The following CLPTM1 variants were observed in gnomAD, a reference collection of about 807,000 sequenced individuals.
CLPTM1 encodes CLPTM1 regulator of GABA type A receptor forward trafficking, also known as putative lipid scramblase CLPTM1.
A neutral mutation model predicts 77.3 loss-of-function variants in CLPTM1; 21 were observed. That is an observed-to-expected ratio of 0.27 (90% CI 0.19 to 0.39). The LOEUF (loss-of-function observed/expected upper bound fraction) is 0.39, where lower values mean the gene tolerates loss of function less well. CLPTM1 is among the 10% of genes least tolerant of loss of function. The pLI is 1.00. For missense variants in CLPTM1, 642 were observed against 921.2 expected (o/e 0.70, Z 3.92); for synonymous variants, 373 against 381.0 (o/e 0.98, Z 0.24).
At chr19:44,954,955 G>C (rs117316645), upstream of CLPTM1, 14 of 1,531,656 alleles carry the variant, frequency 9.1e-6, no homozygotes, top group African/African-American at 8.2e-5. Flanking sequence ...AGGTTCCTCT[G>C]ACGAAAGAGG....
chr19:44,973,762 T>TG (rs1970759627), intron 3 of CLPTM1, among the ~76,000 whole-genome samples: 1 of 19,024 alleles, frequency 5.3e-5, no homozygotes, highest in Non-Finnish European at 1.4e-4. Context: ...TCACAGTGGG[T>TG]TTTTTTTTTT....
At chr19:44,975,265 C>G in intron 4 of CLPTM1, among the ~76,000 whole-genome samples, 1 of 152,236 alleles carries the variant, frequency 6.6e-6, no homozygotes, top group South Asian at 2.1e-4. Flanking sequence ...ATTCTGGGGC[C>G]TCATTGGGAC....
At chr19:44,969,641 G>A (rs894720974) in intron 2 of CLPTM1, among the ~76,000 whole-genome samples, 1 of 151,586 alleles carries the variant, frequency 6.6e-6, no homozygotes, top group Non-Finnish European at 1.5e-5. Flanking sequence ...CAGGCAACAG[G>A]AGAGAAGAAT....
At chr19:44,979,931 C>A (rs1179368902) in intron 5 of CLPTM1, among the ~76,000 whole-genome samples, 1 of 152,162 alleles carries the variant, frequency 6.6e-6, no homozygotes, top group Non-Finnish European at 1.5e-5. Flanking sequence ...TTCTTGTACC[C>A]CGTTTGACGA....
In CLPTM1 at chr19:44,987,418, G is replaced by T; in HGVS notation, c.1033G>T (p.Val345Leu). Reference protein sequence around the residue: ...YEQSDEEQDSVKVALLETNPY... With the variant: ...YEQSDEEQDSLKVALLETNPY... Reference sequence around the variant, plus strand: ...GCAGTCAGATGAGGAGCAGGACTCGGTGAAGGTGAGTGCGGCCGGTGTGGG... The same window carrying T: ...GCAGTCAGATGAGGAGCAGGACTCGTTGAAGGTGAGTGCGGCCGGTGTGGG... The change falls in exon 8 of 14, where the codon GTG becomes TTG. Residue 345 changes from valine to leucine, a missense_variant. Transcript: ENST00000337392. The T allele has an allele frequency of 6.2e-7, 1 of 1,613,484 alleles. No homozygotes were observed. Among genetic ancestry groups the T allele is most frequent in the Non-Finnish European group, 8.5e-7 (1 of 1,179,806 alleles).
At chr19:44,969,879 G>A (rs1415160996) in intron 2 of CLPTM1, among the ~76,000 whole-genome samples, 2 of 149,698 alleles carry the variant, frequency 1.3e-5, no homozygotes, top group Non-Finnish European at 2.9e-5. Context: ...GTAGAGATGG[G>A]GTTTCACCAT....
At chr19:44,966,056 T>A (rs1970623259) in intron 2 of CLPTM1, among the ~76,000 whole-genome samples, 1 of 152,190 alleles carries the variant, frequency 6.6e-6, no homozygotes, top group Non-Finnish European at 1.5e-5. Context: ...ATTATGAGTG[T>A]TTATTTTACA....
chr19:44,987,195 C>A lies in CLPTM1; in HGVS notation c.810C>A (p.Ala270=). ...PPLDQYVKFD[A]VSGDYYPIIY... is the part of the protein sequence containing the mutation. The stretch of plus-strand genomic sequence containing the variant: ...GTGCTGCAGATGTGAAGTTCGACGC[C>A]GTGAGCGGTGACTACTATCCCATCA... Residue 270 remains alanine (A), a synonymous_variant, in exon 8 of 14, where the codon GCC becomes GCA. Transcript: ENST00000337392. 1 of 1,611,272 alleles carries A rather than the reference C, an allele frequency of 6.2e-7. No individual in the cohort carries two copies. Among genetic ancestry groups the A allele is most frequent in the Non-Finnish European group, 8.5e-7 (1 of 1,177,628 alleles).
At chr19:44,981,645 G>A (rs1004269248) in intron 5 of CLPTM1, among the ~76,000 whole-genome samples, 31 of 151,528 alleles carry the variant, frequency 2.0e-4, no homozygotes, top group Middle Eastern at 3.4e-3. Context: ...GGCCGTGATG[G>A]CTCACACCTG....
In CLPTM1 at chr19:44,973,098, T is replaced by C; in HGVS notation, c.197T>C (p.Ile66Thr). The C allele has an allele frequency of 6.2e-7, 1 of 1,613,868 alleles. No homozygotes were observed. Among genetic ancestry groups the C allele is most frequent in the Non-Finnish European group, 8.5e-7 (1 of 1,179,824 alleles). Residue 66 changes from isoleucine (I) to threonine (T), a missense_variant, in exon 3 of 14, where the codon ATC becomes ACC. Ile to Thr is a moderately conservative substitution (Grantham distance 89). Coordinates refer to ENST00000337392, the MANE Select transcript of CLPTM1 (RefSeq NM_001294.4). ...GCTTCTCTCCTCAGGATCTTCATCA[T>C]CTGGGCCATCAGCAGTTGGTTCCGC... ...IKGVLFRIFI[I>T]WAISSWFRRG...
At chr19:44,979,120 C>G (rs1315385644) in intron 5 of CLPTM1, among the ~76,000 whole-genome samples, 1 of 151,922 alleles carries the variant, frequency 6.6e-6, no homozygotes, top group African/African-American at 2.4e-5. Context: ...GCTGGGACTA[C>G]AGGCACACGC....
intron 2 of CLPTM1, among the ~76,000 whole-genome samples, chr19:44,971,478 T>G (rs563137586): frequency 6.8e-4 from 103 of 152,290 alleles, no homozygotes; most frequent in Non-Finnish European, 1.1e-3. Context: ...CTCCAAAAAT[T>G]CTCCAAAAGT....
chr19:44,966,199 T>C (rs979200473), intron 2 of CLPTM1, among the ~76,000 whole-genome samples: 2 of 151,904 alleles, frequency 1.3e-5, no homozygotes, highest in Admixed American at 1.3e-4. Context: ...ATCACGAGGT[T>C]AGGAGATCGA....
At chr19:44,962,142 G>T in intron 2 of CLPTM1, 67 bp downstream of exon 2, 1 of 1,011,786 alleles carries the variant, frequency 9.9e-7, no homozygotes, top group South Asian at 1.6e-5. Flanking sequence ...GAAAGGAAAA[G>T]TCAGCTGATC....
chr19:44,990,598 C>T lies in CLPTM1; in HGVS notation c.1323+13C>T, dbSNP rs758457977. On this transcript the variant is annotated intron_variant, in intron 10 of 13. Coordinates refer to ENST00000337392, the MANE Select transcript of CLPTM1 (RefSeq NM_001294.4). This position sits in a 1 kb window ranked among gnomAD's most constrained non-coding sequence, Gnocchi z 4.8. ...CATGGACGTCCGGGTAAGGCTGGGG[C>T]GCCATGCTGTCTCGGGAGCTGCAGG... is the stretch of plus-strand genomic sequence containing the variant. 10 of 1,611,052 alleles carry T rather than the reference C, an allele frequency of 6.2e-6. No individual in the cohort carries two copies. Among genetic ancestry groups the T allele is most frequent in the Admixed American group, 3.3e-5 (2 of 59,924 alleles).
Position 44,992,888 on chromosome 19 carries a change from A to G in CLPTM1, c.2001A>G (p.Lys667=), listed in dbSNP as rs1971103183. The G allele has an allele frequency of 6.2e-7, 1 of 1,613,532 alleles. No individual in the cohort carries two copies. Among genetic ancestry groups the G allele is most frequent in the Non-Finnish European group, 8.5e-7 (1 of 1,179,864 alleles). ...CTCCAAAGCCAGCAGAGGACAAGAA[A>G]AAGGATTAGTCGAGACTGGTCCTCA... ...EAPPKPAEDK[K]KD Residue 667 remains lysine, a synonymous_variant, in exon 14 of 14, where the codon AAA becomes AAG. Transcript: ENST00000337392. The surrounding 1 kb of genome is among the most constrained non-coding windows in gnomAD (Gnocchi z 7.7).
At chr19:44,964,046 G>A (rs576692203) in intron 2 of CLPTM1, among the ~76,000 whole-genome samples, 3 of 151,906 alleles carry the variant, frequency 2.0e-5, no homozygotes, top group Admixed American at 6.6e-5. Flanking sequence ...GATTACAGGC[G>A]TGAGCCACTG....
At chr19:44,977,528 A>C in intron 5 of CLPTM1, 68 bp downstream of exon 5, 1 of 1,215,446 alleles carries the variant, frequency 8.2e-7, no homozygotes, top group Non-Finnish European at 1.2e-6. Context: ...CCCCAGGCTA[A>C]TGTGGCGGAC....
chr19:44,992,581 G>C lies in CLPTM1; in HGVS notation c.1724-30G>C, dbSNP rs201557502. 5.6e-6 allele frequency: 9 copies of C among 1,611,394 alleles called. No homozygotes were observed. Among genetic ancestry groups the C allele is most frequent in the Non-Finnish European group, 6.8e-6 (8 of 1,178,880 alleles). On this transcript the variant is annotated intron_variant, in intron 13 of 13. Coordinates refer to ENST00000337392, the MANE Select transcript of CLPTM1 (RefSeq NM_001294.4). This position sits in a 1 kb window ranked among gnomAD's most constrained non-coding sequence, Gnocchi z 7.7. ...CACCTGGCTGTGGACGGGCCAGCCC[G>C]ACCTCACACTGCCTCCCACCCCTCT... is the stretch of plus-strand genomic sequence containing the variant.
Sources: gnomAD v4.1 joint callset for allele counts (sites outside exome capture counted in the v4.1 genomes callset) on GRCh38, gnomAD v4.1.1 for gene constraint, Gnocchi (gnomAD v3.1) non-coding constraint, MANE v1.5 for transcripts, NCBI Gene and HGNC (gene_info 2026-07-23, HGNC 2026-07-21) for gene names.